Variants in ZNF534 observed in about 807,000 individuals in gnomAD.
ZNF534 encodes KRAB domain only 3.
In ZNF534, 19 loss-of-function variants were observed where a neutral mutation model predicts 13.6. That is an observed-to-expected ratio of 1.40 (90% confidence interval 0.97 to 2.05). The LOEUF is 2.05. Among genes scored for constraint, ZNF534 ranks in the 30% most tolerant of loss-of-function variants. The probability of loss-of-function intolerance (pLI) is 0.00; values close to 1 mark genes in which losing one functional copy is unlikely to be tolerated. For synonymous variants in ZNF534, 244 were observed against 273.8 expected (o/e 0.89, Z 1.07); for missense variants, 782 against 796.3 (o/e 0.98, Z 0.22).
chr19:52,448,587 A>G (rs1259532454), intron 4 of ZNF534, among the ~76,000 whole-genome samples: 19 of 152,104 alleles, frequency 1.2e-4, no homozygotes, highest in Admixed American at 1.2e-3. Flanking sequence ...ACAATTGTCT[A>G]GTGTTACCAT....
At chr19:52,429,393 G>C (rs1177234279) in intron 1 of ZNF534, 149 bp downstream of exon 1, 1 of 152,056 alleles carries the variant, frequency 6.6e-6, no homozygotes, top group Non-Finnish European at 1.5e-5. Context: ...AGAGTCTGGA[G>C]GTCGCTTACC....
exon 5 of ZNF534, chr19:52,451,652 G>T: frequency 1.5e-6 from 1 of 654,252 alleles, no homozygotes; most frequent in South Asian, 1.9e-5. Flanking sequence ...TGTGAAAACG[G>T]ACATTCAGAC....
chr19:52,441,214 T>C lies in ZNF534; in HGVS notation c.*1768T>C, dbSNP rs959724148. ...CTGCTGCACCCAGCTTGAGAAATCATATGAATATATGGAATGTACTCCAGG... is the reference window on the plus strand; with the variant it reads ...CTGCTGCACCCAGCTTGAGAAATCACATGAATATATGGAATGTACTCCAGG... On this transcript the variant is annotated 3_prime_UTR_variant, in exon 5 of 5. Coordinates refer to ENST00000433050, the MANE Select transcript of ZNF534 (RefSeq NM_001143938.3). 1.3e-5 allele frequency among the ~76,000 whole-genome samples: 2 copies of C among 151,340 alleles called. No homozygotes were observed. Among genetic ancestry groups the C allele is most frequent in the East Asian group, 4.0e-4 (2 of 4,990 alleles).
chr19:52,449,489 C>T (rs2059205567), intron 4 of ZNF534, among the ~76,000 whole-genome samples: 1 of 152,052 alleles, frequency 6.6e-6, no homozygotes, highest in Admixed American at 6.6e-5. Flanking sequence ...GCATTCTCAC[C>T]AACCAGTGTA....
chr19:52,432,655 CAG>C (rs2059095482), intron 2 of ZNF534, among the ~76,000 whole-genome samples: 1 of 151,462 alleles, frequency 6.6e-6, no homozygotes, highest in South Asian at 2.1e-4. Context: ...TTTTTTGAGA[CAG>C]GGTCTCGCCC....
chr19:52,437,612 A>G (rs1280128509), intron 4 of ZNF534, 120 bp from the exon 5 acceptor site: 26 of 1,077,472 alleles, frequency 2.4e-5, no homozygotes, highest in Non-Finnish European at 3.4e-5. Flanking sequence ...CCATCTCAAT[A>G]AAAACAAAGT....
chr19:52,437,598 G>C (rs2059136282), intron 4 of ZNF534, 134 bp from the exon 5 acceptor site: 1 of 866,378 alleles, frequency 1.2e-6, no homozygotes, highest in Admixed American at 3.1e-5. Context: ...GACAATGTGA[G>C]ACTCCATCTC....
intron 1 of ZNF534, among the ~76,000 whole-genome samples, chr19:52,429,476 A>ATTT (rs148680205): frequency 2.9e-4 from 43 of 148,902 alleles, no homozygotes; most frequent in African/African-American, 1.0e-3. Context: ...GCACTTTGCT[A>ATTT]TTTTTTTTTC....
chr19:52,439,569 C>A lies in ZNF534; in HGVS notation c.*123C>A, dbSNP rs1165132691. Reference sequence around the variant, plus strand: ...CCATCCTGGCTAACACGGTGAAACCCCATCTCTACTAAAAATACAAAAAAA... The same window carrying A: ...CCATCCTGGCTAACACGGTGAAACCACATCTCTACTAAAAATACAAAAAAA... On this transcript the variant is annotated 3_prime_UTR_variant, in exon 5 of 5. Coordinates refer to ENST00000433050, the MANE Select transcript of ZNF534 (RefSeq NM_001143938.3). 1.1e-5 allele frequency: 9 copies of A among 849,572 alleles called. No homozygotes were observed. The highest frequency in any genetic ancestry group is 1.5e-5 in the Non-Finnish European group (9 of 598,254). 52.6% of individuals were successfully genotyped at this position (849,572 alleles called of 1,614,324 possible). A position where few individuals can be genotyped will look rare whatever the true frequency, so the allele number is the denominator to read the frequency against.
intron 2 of ZNF534, among the ~76,000 whole-genome samples, chr19:52,433,413 C>T (rs1254534005): frequency 7.2e-5 from 11 of 151,780 alleles, no homozygotes; most frequent in Admixed American, 7.2e-4. Context: ...GTCACCCAGG[C>T]TGGAGTGCAG....
Position 52,431,312 on chromosome 19 carries a change from C to A in ZNF534, c.-67-96C>A, listed in dbSNP as rs908809788. 2.8e-5 allele frequency: 25 copies of A among 905,370 alleles called. No individual in the cohort carries two copies. In the Middle Eastern group the frequency reaches 8.6e-4, roughly 31 times the overall value. 56.1% of individuals were successfully genotyped at this position (905,370 alleles called of 1,614,324 possible). On this transcript the variant is annotated intron_variant, in intron 1 of 4. Coordinates refer to ENST00000433050, the MANE Select transcript of ZNF534 (RefSeq NM_001143938.3). ...CAACAGTAGGCAGCAGAGGACCATC[C>A]TTCCAGAAGGTGAAGTCTTCCCTTT...
At position 52,437,911 on chromosome 19, in the gene ZNF534, A is replaced by G; in HGVS notation, c.451A>G (p.Ser151Gly). The change falls in exon 5 of 5, where the codon AGT becomes GGT. Residue 151 changes from serine to glycine, a missense_variant. Physicochemically the swap from Ser to Gly is moderately conservative, Grantham distance 56. Transcript: ENST00000433050. Reference protein sequence around the residue: ...DNSSVSPVQISFFSVKTHIFN... With the variant: ...DNSSVSPVQIGFFSVKTHIFN... ...TTCTTCAGTTTCACCAGTTCAAATAAGTTTTTTCAGTGTCAAAACCCATAT... is the reference window on the plus strand; with the variant it reads ...TTCTTCAGTTTCACCAGTTCAAATAGGTTTTTTCAGTGTCAAAACCCATAT... 1 of 1,612,924 alleles carries G rather than the reference A, an allele frequency of 6.2e-7. No homozygotes were observed. Among genetic ancestry groups the G allele is most frequent in the Non-Finnish European group, 8.5e-7 (1 of 1,179,432 alleles).
chr19:52,446,539 C>T (rs1599872650), downstream of ZNF534, among the ~76,000 whole-genome samples: 1 of 110,984 alleles, frequency 9.0e-6, no homozygotes, highest in East Asian at 2.3e-4. Flanking sequence ...AACAAATTAC[C>T]ATAAAGTGAG....
At position 52,439,197 on chromosome 19, in the gene ZNF534, T is replaced by C. The variant is rs879226937; in HGVS notation, c.1737T>C (p.Ser579=). ...RNIHTGEKPH[S]CNECGKVFSR... ...TTCATACTGGAGAGAAGCCTCACAG[T>C]TGTAATGAATGTGGCAAGGTCTTCA... Residue 579 remains serine, a synonymous_variant, in exon 5 of 5, where the codon AGT becomes AGC. Coordinates refer to ENST00000433050, the MANE Select transcript of ZNF534 (RefSeq NM_001143938.3). 4 of 1,526,902 alleles carry C rather than the reference T, an allele frequency of 2.6e-6. No individual in the cohort carries two copies. The African/African-American group carries it at 5.8e-5, about 22-fold the overall frequency. 94.6% of individuals were successfully genotyped at this position (1,526,902 alleles called of 1,614,324 possible).
intron 4 of ZNF534, among the ~76,000 whole-genome samples, chr19:52,449,663 G>A (rs759948053): frequency 2.0e-5 from 3 of 152,206 alleles, no homozygotes; most frequent in Admixed American, 6.5e-5. Flanking sequence ...CCTGTTGGTC[G>A]TTTGTATGTC....
In ZNF534 at chr19:52,435,303, CAT is replaced by C. The variant is rs1247825920; in HGVS notation, c.271+96_271+97del. Reference sequence around the variant, plus strand: ...ATCCAGGCTGGAGTACAGTGGCAATCATAGCTCACAGCAGCCTTAAACTCCTG... The same window carrying C: ...ATCCAGGCTGGAGTACAGTGGCAATCAGCTCACAGCAGCCTTAAACTCCTG... On this transcript the variant is annotated intron_variant, in intron 4 of 4. Coordinates refer to ENST00000433050, the MANE Select transcript of ZNF534 (RefSeq NM_001143938.3). 4.4e-6 allele frequency: 6 copies of C among 1,367,448 alleles called. No individual in the cohort carries two copies. The Admixed American group carries it at 1.4e-4, about 31-fold the overall frequency. The allele number at this position is 1,367,448 out of a possible 1,614,324, so 84.7% of individuals were successfully genotyped here.
At chr19:52,429,593 T>G (rs1397235671) in intron 1 of ZNF534, among the ~76,000 whole-genome samples, 1 of 75,336 alleles carries the variant, frequency 1.3e-5, no homozygotes, top group Non-Finnish European at 2.3e-5. Context: ...CTTAATAGTC[T>G]TTTTTTTTTT....
chr19:52,430,845 C>CTTTTTTT (rs55783711), intron 1 of ZNF534, among the ~76,000 whole-genome samples: 1 of 144,254 alleles, frequency 6.9e-6, no homozygotes. Flanking sequence ...CACACATGGC[C>CTTTTTTT]TTTTTTTTTT....
chr19:52,436,296 T>A (rs2608487), intron 4 of ZNF534, among the ~76,000 whole-genome samples: 2 of 151,970 alleles, frequency 1.3e-5, no homozygotes, highest in Admixed American at 6.6e-5. Flanking sequence ...TGAAGATACC[T>A]GCTGGAAAAA....
Sources: allele counts gnomAD v4.1 joint callset (sites outside exome capture counted in the v4.1 genomes callset), GRCh38; gene constraint gnomAD v4.1.1; transcripts MANE v1.5; gene names NCBI Gene and HGNC (gene_info 2026-07-23, HGNC 2026-07-21).